The following PRMT3 variants were observed in gnomAD, a reference collection of about 807,000 sequenced individuals.
The protein encoded by PRMT3 is protein arginine methyltransferase 3, also known as protein arginine N-methyltransferase 3.
In PRMT3, 62 loss-of-function variants were observed where a neutral mutation model predicts 71.9. That is an observed-to-expected ratio of 0.86 (90% CI 0.70 to 1.07). The LOEUF (loss-of-function observed/expected upper bound fraction) is 1.07. Among genes scored for constraint, PRMT3 ranks in the 50% least tolerant of loss-of-function variants. The pLI is 0.00. For missense variants in PRMT3, 663 were observed against 643.0 expected, an observed-to-expected ratio of 1.03 and a Z score of -0.34; for synonymous variants, 213 against 220.4, an observed-to-expected ratio of 0.97 and a Z score of 0.30.
At chr11:20,400,303 GTTTTAA>G (rs1848920325) in intron 7 of PRMT3, among the ~76,000 whole-genome samples, 1 of 152,116 alleles carries the variant, frequency 6.6e-6, no homozygotes, top group African/African-American at 2.4e-5. Context: ...TTTGGTACAT[GTTTTAA>G]TTATAATTTT....
intron 10 of PRMT3, 43 bp from the exon 11 acceptor site, chr11:20,452,087 A>C: frequency 7.2e-7 from 1 of 1,393,754 alleles, no homozygotes; most frequent in Non-Finnish European, 1.0e-6. Flanking sequence ...TTATGAGAGT[A>C]TTGCACATTT....
intron 15 of PRMT3, among the ~76,000 whole-genome samples, chr11:20,495,003 A>G (rs548964631): frequency 8.5e-5 from 13 of 152,178 alleles, no homozygotes; most frequent in Middle Eastern, 3.4e-3. Flanking sequence ...CTGAGGCAGG[A>G]GGATAACTTG....
chr11:20,490,123 T>C (rs1851172542), intron 13 of PRMT3, among the ~76,000 whole-genome samples: 1 of 151,554 alleles, frequency 6.6e-6, no homozygotes, highest in South Asian at 2.1e-4. Flanking sequence ...AGTGAGTAGA[T>C]AGATTATCTG....
intron 10 of PRMT3, among the ~76,000 whole-genome samples, chr11:20,436,946 A>G (rs1849774087): frequency 6.6e-6 from 1 of 151,980 alleles, no homozygotes; most frequent in Admixed American, 6.6e-5. Flanking sequence ...TTACAGATTC[A>G]ATCTAGTTAC....
At chr11:20,495,143 C>T (rs1414080662) in intron 15 of PRMT3, among the ~76,000 whole-genome samples, 1 of 152,080 alleles carries the variant, frequency 6.6e-6, no homozygotes, top group Non-Finnish European at 1.5e-5. Flanking sequence ...ATTCTCCTGC[C>T]TCAGTCTCCC....
intron 10 of PRMT3, among the ~76,000 whole-genome samples, chr11:20,440,748 T>C (rs1050372252): frequency 1.3e-5 from 2 of 152,186 alleles, no homozygotes; most frequent in African/African-American, 2.4e-5. Context: ...AAGCATCCAC[T>C]GAGTACTTAC....
intron 11 of PRMT3, among the ~76,000 whole-genome samples, chr11:20,456,420 G>A (rs1850268640): frequency 6.6e-6 from 1 of 152,158 alleles, no homozygotes; most frequent in African/African-American, 2.4e-5. Flanking sequence ...TGTGAGATAA[G>A]GTTAGATATT....
At chr11:20,399,222 C>A (rs571564312) in intron 7 of PRMT3, among the ~76,000 whole-genome samples, 57 of 152,232 alleles carry the variant, frequency 3.7e-4, no homozygotes, top group African/African-American at 1.3e-3. Flanking sequence ...TTTATGGTTT[C>A]CCTGAAGCAT....
intron 9 of PRMT3, among the ~76,000 whole-genome samples, chr11:20,420,660 A>G (rs377477302): frequency 6.6e-6 from 1 of 152,188 alleles, no homozygotes; most frequent in South Asian, 2.1e-4. Context: ...TCCCACCCCC[A>G]GGTCCATGGA....
Position 20,395,862 on chromosome 11 carries a change from G to A in PRMT3, c.460G>A (p.Glu154Lys), listed in dbSNP as rs771568151. Residue 154 changes from glutamate to lysine, a missense_variant, in exon 6 of 16, where the codon GAA becomes AAA. Coordinates refer to ENST00000331079, the MANE Select transcript of PRMT3 (RefSeq NM_005788.4). Reference protein sequence around the residue: ...VPFSYPNGLSENTSVVEKLKH... With the variant: ...VPFSYPNGLSKNTSVVEKLKH... ...CTTCTCATACCCCAATGGACTCAGTGAAAATACATCTGTTGTTGAAAAATT... is the reference window on the plus strand; with the variant it reads ...CTTCTCATACCCCAATGGACTCAGTAAAAATACATCTGTTGTTGAAAAATT... The A allele has an allele frequency of 1.9e-6, 3 of 1,614,136 alleles. No homozygotes were observed. The highest frequency in any genetic ancestry group is 2.2e-5 in the South Asian group (2 of 91,068).
chr11:20,394,652 G>A (rs1848786929), intron 5 of PRMT3, among the ~76,000 whole-genome samples: 1 of 152,148 alleles, frequency 6.6e-6, no homozygotes, highest in Admixed American at 6.5e-5. Flanking sequence ...AGTATACAGT[G>A]CAGCATTTTT....
Position 20,409,470 on chromosome 11 carries a change from C to G in PRMT3, c.893+1438C>G, listed in dbSNP as rs7482968. On this transcript the variant is annotated intron_variant, in intron 9 of 15. Coordinates refer to ENST00000331079, the MANE Select transcript of PRMT3 (RefSeq NM_005788.4). The stretch of plus-strand genomic sequence containing the variant: ...GTAAATATTTTGAGGTGCATAAGTT[C>G]TAAGTAAGATATACATATAAATCAG... 4.0e-4 allele frequency among the ~76,000 whole-genome samples: 61 copies of G among 152,292 alleles called. No individual in the cohort carries two copies. The East Asian group carries it at 0.012, about 29-fold the overall frequency.
At chr11:20,485,672 G>T (rs1034365068) in intron 13 of PRMT3, among the ~76,000 whole-genome samples, 2 of 152,078 alleles carry the variant, frequency 1.3e-5, no homozygotes, top group Admixed American at 1.3e-4. Context: ...GAGACAGAGG[G>T]AAGGGCAAGA....
At chr11:20,433,670 G>A (rs1490484545) in intron 10 of PRMT3, among the ~76,000 whole-genome samples, 1 of 151,934 alleles carries the variant, frequency 6.6e-6, no homozygotes, top group Non-Finnish European at 1.5e-5. Flanking sequence ...TCCCAGGCTG[G>A]AGTGCAGTGG....
intron 11 of PRMT3, among the ~76,000 whole-genome samples, chr11:20,456,439 C>G (rs1850268945): frequency 6.6e-6 from 1 of 152,128 alleles, no homozygotes; most frequent in Admixed American, 6.6e-5. Flanking sequence ...TTAATATTTT[C>G]TAGCACCCTT....
intron 10 of PRMT3, among the ~76,000 whole-genome samples, chr11:20,436,781 A>T (rs924606512): frequency 6.6e-6 from 1 of 151,892 alleles, no homozygotes; most frequent in Admixed American, 6.6e-5. Context: ...TTTGTTATCT[A>T]TATAATGCTA....
intron 10 of PRMT3, 133 bp downstream of exon 10, chr11:20,426,998 A>G: frequency 7.8e-7 from 1 of 1,282,882 alleles, no homozygotes. Flanking sequence ...GCTACATTAG[A>G]TACTATAATG....
intron 11 of PRMT3, among the ~76,000 whole-genome samples, chr11:20,457,280 T>C (rs953686930): frequency 5.9e-5 from 9 of 152,208 alleles, no homozygotes; most frequent in African/African-American, 1.4e-4. Context: ...TTCCAACAAG[T>C]ACCGTTTACC....
In PRMT3 at chr11:20,426,767, C is replaced by T; in HGVS notation, c.895C>T (p.Leu299=). 2 of 1,467,274 alleles carry T rather than the reference C, an allele frequency of 1.4e-6. No homozygotes were observed. The highest frequency in any genetic ancestry group is 1.5e-5 in the South Asian group (1 of 66,230). The allele number at this position is 1,467,274 out of a possible 1,614,324, so 90.9% of individuals were successfully genotyped here. ...ILYQAMDIIR[L]NKLEDTITLI... ...AATCTAATTCATTATAATTTTCAGA[C>T]TAAATAAACTTGAAGATACTATTAC... The change falls in exon 10 of 16, where the codon CTA becomes TTA. Residue 299 remains leucine (L), a splice_region_variant and synonymous_variant. Transcript: ENST00000331079.
Sources: allele counts gnomAD v4.1 joint callset (sites outside exome capture counted in the v4.1 genomes callset), GRCh38; gene constraint gnomAD v4.1.1; transcripts MANE v1.5; gene names NCBI Gene and HGNC (gene_info 2026-07-23, HGNC 2026-07-21).